Variants in KATNAL1 observed in about 807,000 individuals in gnomAD.
The protein encoded by KATNAL1 is katanin p60 ATPase-containing subunit A-like 1.
Under a neutral mutation model 55.2 loss-of-function variants are expected in KATNAL1, and 32 were observed. The ratio of observed to expected loss-of-function variants is 0.58; its 90% CI spans 0.44 to 0.78. The LOEUF (loss-of-function observed/expected upper bound fraction) is 0.78, where lower values mean the gene tolerates loss of function less well. Ranked by LOEUF, KATNAL1 falls within the 30% of genes least tolerant of loss-of-function variation. KATNAL1 has a pLI of 0.00. For missense variants in KATNAL1, 466 were observed against 600.9 expected (o/e 0.78, Z 2.35); for synonymous variants, 193 against 193.6 (o/e 1.00, Z 0.02).
intron 3 of KATNAL1, among the ~76,000 whole-genome samples, chr13:30,276,522 A>G (rs1368751143): frequency 6.6e-6 from 1 of 151,410 alleles, no homozygotes; most frequent in Non-Finnish European, 1.5e-5. Flanking sequence ...ATGGCAAAAA[A>G]AAAAAAAAAG....
Position 30,208,578 on chromosome 13 carries a change from TCTC to T in KATNAL1, c.1432_1434del (p.Glu478del), listed in dbSNP as rs772117766. ...AATTCAACCATCCATTTTTCATACTTCTCCAAGTCTGCAGCAGAGACAGACTTA... is the reference window on the plus strand; with the variant it reads ...AATTCAACCATCCATTTTTCATACTTCAAGTCTGCAGCAGAGACAGACTTA... On this transcript the variant is annotated inframe_deletion, in exon 11 of 11. Transcript: ENST00000380615. 1 of 1,607,622 alleles carries T rather than the reference TCTC, an allele frequency of 6.2e-7. No individual in the cohort carries two copies. Among genetic ancestry groups the T allele is most frequent in the Admixed American group, 1.7e-5 (1 of 59,474 alleles).
chr13:30,278,419 A>C (rs1246239936), intron 3 of KATNAL1, among the ~76,000 whole-genome samples: 6 of 152,260 alleles, frequency 3.9e-5, no homozygotes, highest in Non-Finnish European at 4.4e-5. Context: ...AAACAAGTAC[A>C]AAAATAAGTC....
intron 1 of KATNAL1, chr13:30,296,341 C>T: frequency 8.6e-7 from 1 of 1,157,570 alleles, no homozygotes; most frequent in Non-Finnish European, 1.3e-6. Flanking sequence ...CCGAGGACTT[C>T]CGCAAGCTGG....
At chr13:30,290,570 T>C (rs1336989159) in intron 1 of KATNAL1, among the ~76,000 whole-genome samples, 1 of 152,168 alleles carries the variant, frequency 6.6e-6, no homozygotes, top group Non-Finnish European at 1.5e-5. Flanking sequence ...TTTGCCATAG[T>C]TCTTTTGGCT....
At chr13:30,216,551 A>G (rs1874254550) in intron 9 of KATNAL1, among the ~76,000 whole-genome samples, 1 of 152,220 alleles carries the variant, frequency 6.6e-6, no homozygotes, top group Non-Finnish European at 1.5e-5. Context: ...AGGACTGGAA[A>G]ACGTCTACCT....
intron 3 of KATNAL1, among the ~76,000 whole-genome samples, chr13:30,272,265 G>C (rs1880437775): frequency 6.6e-6 from 1 of 152,206 alleles, no homozygotes. Context: ...AGGTGTGGTG[G>C]CTCACGCCTG....
intron 1 of KATNAL1, among the ~76,000 whole-genome samples, chr13:30,297,651 G>C (rs556930070): frequency 2.0e-5 from 3 of 152,276 alleles, no homozygotes; most frequent in Non-Finnish European, 4.4e-5. Context: ...TAAAGAAAAC[G>C]TGGTACATAT....
intron 3 of KATNAL1, among the ~76,000 whole-genome samples, chr13:30,269,230 C>T (rs868856234): frequency 6.6e-6 from 1 of 152,246 alleles, no homozygotes; most frequent in African/African-American, 2.4e-5. Flanking sequence ...TGCAGGCGCA[C>T]GCAGCCACGC....
At chr13:30,271,433 A>G (rs1340458115) in intron 3 of KATNAL1, among the ~76,000 whole-genome samples, 3 of 152,136 alleles carry the variant, frequency 2.0e-5, no homozygotes, top group Non-Finnish European at 4.4e-5. Context: ...GAGAGGCCTC[A>G]GGAAACTTAC....
intron 9 of KATNAL1, among the ~76,000 whole-genome samples, chr13:30,212,180 G>C (rs1397969563): frequency 6.6e-6 from 1 of 152,086 alleles, no homozygotes; most frequent in African/African-American, 2.4e-5. Context: ...AATCAACAAG[G>C]AAAAGATTGA....
intron 1 of KATNAL1, among the ~76,000 whole-genome samples, chr13:30,287,780 C>G (rs1463553085): frequency 6.6e-6 from 1 of 152,192 alleles, no homozygotes; most frequent in African/African-American, 2.4e-5. Flanking sequence ...ATAAATCCTA[C>G]TTACAAATAC....
chr13:30,224,535 T>TAA (rs796588319), intron 9 of KATNAL1, among the ~76,000 whole-genome samples: 11 of 137,408 alleles, frequency 8.0e-5, no homozygotes, highest in African/African-American at 1.1e-4. Context: ...CTCTGTCTCT[T>TAA]AAAAAAAAAA....
chr13:30,210,564 T>G, intron 9 of KATNAL1, 122 bp from the exon 10 acceptor site: 1 of 716,474 alleles, frequency 1.4e-6, no homozygotes, highest in South Asian at 2.2e-5. Flanking sequence ...AATAACTGTG[T>G]GTCCATTAGT....
chr13:30,304,915 C>T (rs538910533), intron 1 of KATNAL1, among the ~76,000 whole-genome samples: 1 of 152,330 alleles, frequency 6.6e-6, no homozygotes, highest in Non-Finnish European at 1.5e-5. Flanking sequence ...ATCTAACTCC[C>T]AACATCCAAA....
At position 30,228,268 on chromosome 13, in the gene KATNAL1, A is replaced by ACTTTCTAG. The variant is rs374269516; in HGVS notation, c.1013-730_1013-723dup. Among the ~76,000 whole-genome samples the ACTTTCTAG allele has an allele frequency of 2.8e-3, 432 of 152,334 alleles. 4 individuals are homozygous for ACTTTCTAG. Among genetic ancestry groups the ACTTTCTAG allele is most frequent in the African/African-American group, 9.9e-3 (411 of 41,578 alleles). ...AAACCCCATAAACTTTATTGATAAG[A>ACTTTCTAG]CTTTCTAGTCTAGCATAATAAAGTG... On this transcript the variant is annotated intron_variant, in intron 8 of 10. Transcript: ENST00000380615.
intron 6 of KATNAL1, among the ~76,000 whole-genome samples, chr13:30,236,415 G>GA (rs1304535644): frequency 6.6e-6 from 1 of 152,116 alleles, no homozygotes; most frequent in Non-Finnish European, 1.5e-5. Context: ...TGGAATCTGG[G>GA]AGTCATACAA....
chr13:30,294,552 T>G (rs1228808464), intron 1 of KATNAL1, among the ~76,000 whole-genome samples: 5 of 152,138 alleles, frequency 3.3e-5, no homozygotes, highest in African/African-American at 1.2e-4. Context: ...GAAAGAAGCC[T>G]TTTCCATAAC....
chr13:30,268,468 AAAT>A (rs913571316), intron 3 of KATNAL1, among the ~76,000 whole-genome samples: 2 of 152,258 alleles, frequency 1.3e-5, no homozygotes, highest in African/African-American at 4.8e-5. Flanking sequence ...ATCTACATTT[AAAT>A]AATTCACAGT....
intron 9 of KATNAL1, among the ~76,000 whole-genome samples, chr13:30,217,411 G>A (rs368569618): frequency 1.3e-5 from 2 of 152,106 alleles, no homozygotes; most frequent in Admixed American, 6.6e-5. Context: ...CTGAGATCGC[G>A]CCACTGCACT....
Sources: allele counts gnomAD v4.1 joint callset (sites outside exome capture counted in the v4.1 genomes callset), GRCh38; gene constraint gnomAD v4.1.1; transcripts MANE v1.5; gene names NCBI Gene and HGNC (gene_info 2026-07-23, HGNC 2026-07-21).